TMEM132B: variants seen among roughly 807,000 people sequenced by gnomAD.
TMEM132B encodes transmembrane protein 132B.
Under a neutral mutation model 90.8 loss-of-function variants are expected in TMEM132B, and 18 were observed. The ratio of observed to expected loss-of-function variants is 0.20; its 90% confidence interval spans 0.14 to 0.29. TMEM132B has a LOEUF of 0.29. Ranked by LOEUF, TMEM132B falls within the 10% of genes least tolerant of loss-of-function variation. The pLI is 1.00. For synonymous variants in TMEM132B, 504 were observed against 523.3 expected, an observed-to-expected ratio of 0.96 and a Z score of 0.50; for missense variants, 1,096 against 1,326.8, an observed-to-expected ratio of 0.83 and a Z score of 2.70.
intron 5 of TMEM132B, among the ~76,000 whole-genome samples, chr12:125,620,479 C>A (rs765827867): frequency 3.9e-5 from 6 of 152,118 alleles, no homozygotes; most frequent in Non-Finnish European, 7.4e-5. Context: ...AGATCACCCA[C>A]AAAATATGCA....
At chr12:125,598,837 AG>A (rs1424443461) in intron 5 of TMEM132B, among the ~76,000 whole-genome samples, 1 of 151,570 alleles carries the variant, frequency 6.6e-6, no homozygotes, top group East Asian at 1.9e-4. Flanking sequence ...CCCCTAATAG[AG>A]GGGGTGTGCT....
In TMEM132B at chr12:125,291,976, ATAAT is replaced by A. The variant is rs1875553817; in HGVS notation, c.68-57472_68-57469del. On this transcript the variant is annotated intron_variant, in intron 1 of 8. Transcript: ENST00000682704. Reference sequence around the variant, plus strand: ...TGTGGTAATCCATAAATAGCAACAGATAATTAACACAATATCCAAAGCCATATTT... The same window carrying A: ...TGTGGTAATCCATAAATAGCAACAGATAACACAATATCCAAAGCCATATTT... Among the ~76,000 whole-genome samples, 4 of 152,364 alleles carry A rather than the reference ATAAT, an allele frequency of 2.6e-5. No homozygotes were observed. The South Asian group carries it at 8.3e-4, about 32-fold the overall frequency.
intron 1 of TMEM132B, among the ~76,000 whole-genome samples, chr12:125,281,424 A>G (rs946684532): frequency 1.3e-4 from 20 of 152,144 alleles, no homozygotes; most frequent in African/African-American, 4.3e-4. Flanking sequence ...AGGCCACAGG[A>G]TGTGGTGGAA....
intron 1 of TMEM132B, among the ~76,000 whole-genome samples, chr12:125,255,422 T>C (rs537732723): frequency 6.6e-6 from 1 of 152,296 alleles, no homozygotes; most frequent in East Asian, 1.9e-4. Flanking sequence ...CAATTATCAG[T>C]TCTGTCTTTG....
At chr12:125,210,327 A>G (rs912556323) in intron 1 of TMEM132B, among the ~76,000 whole-genome samples, 3 of 152,314 alleles carry the variant, frequency 2.0e-5, no homozygotes, top group East Asian at 3.9e-4. Context: ...AGAAGCCATC[A>G]GGTGTGTTAG....
Position 125,650,885 on chromosome 12 carries a change from C to T in TMEM132B, c.1846C>T (p.Pro616Ser). ...GACCGAGTTCATGAAGGTGGAGGAG[C>T]CGAAAATCGCTCAGTTACAGGACGG... Reference protein sequence around the residue: ...LVTEFMKVEEPKIAQLQDGRT... With the variant: ...LVTEFMKVEESKIAQLQDGRT... The change falls in exon 7 of 9, where the codon CCG (proline) becomes TCG (serine). Residue 616 changes from proline (P) to serine (S), a missense_variant. Physicochemically the swap from Pro to Ser is moderately conservative, Grantham distance 74. Transcript: ENST00000682704. 6.2e-7 allele frequency: 1 copy of T among 1,613,888 alleles called. No homozygotes were observed. Among genetic ancestry groups the T allele is most frequent in the Non-Finnish European group, 8.5e-7 (1 of 1,180,016 alleles).
chr12:125,405,563 G>A (rs1879447119), intron 2 of TMEM132B, among the ~76,000 whole-genome samples: 1 of 152,178 alleles, frequency 6.6e-6, no homozygotes, highest in African/African-American at 2.4e-5. Context: ...GGCAAAGCCA[G>A]GACCTGAACC....
chr12:125,497,027 G>C (rs529009922), intron 3 of TMEM132B, among the ~76,000 whole-genome samples: 1 of 152,256 alleles, frequency 6.6e-6, no homozygotes, highest in South Asian at 2.1e-4. Flanking sequence ...GATTAATTTA[G>C]AGTCTTACCG....
intron 1 of TMEM132B, among the ~76,000 whole-genome samples, chr12:125,287,763 C>A (rs114882988): frequency 0.013 from 1,806 of 141,448 alleles, 34 homozygotes; most frequent in African/African-American, 0.046. Flanking sequence ...ACCTTCCCTT[C>A]TAAAAAATAC....
chr12:125,571,745 G>T (rs1277258357), intron 4 of TMEM132B, among the ~76,000 whole-genome samples: 2 of 152,130 alleles, frequency 1.3e-5, no homozygotes, highest in African/African-American at 4.8e-5. Context: ...AACTGCTTGA[G>T]AGTAAGTTAC....
intron 1 of TMEM132B, among the ~76,000 whole-genome samples, chr12:125,232,851 G>T (rs1873857015): frequency 6.6e-6 from 1 of 152,226 alleles, no homozygotes; most frequent in African/African-American, 2.4e-5. Context: ...TAGCTAATAA[G>T]AAGATCTTTC....
Position 125,652,649 on chromosome 12 carries a change from C to T in TMEM132B, c.2106+17C>T. On this transcript the variant is annotated intron_variant, in intron 8 of 8. Coordinates refer to ENST00000682704, the MANE Select transcript of TMEM132B (RefSeq NM_001366854.1). ...CCACAGCAGGTGAGCGTTCCAGGGG[C>T]CCTGCGTCCTTGGTCAGTGGGGATG... 1 of 1,600,074 alleles carries T rather than the reference C, an allele frequency of 6.2e-7. No homozygotes were observed. Among genetic ancestry groups the T allele is most frequent in the South Asian group, 1.1e-5 (1 of 88,512 alleles).
At chr12:125,215,674 T>C (rs1400111740) in intron 1 of TMEM132B, among the ~76,000 whole-genome samples, 1 of 152,190 alleles carries the variant, frequency 6.6e-6, no homozygotes, top group Admixed American at 6.5e-5. Flanking sequence ...CCCGAGTAGC[T>C]GGGATTACAG....
chr12:125,337,298 C>T (rs1876997579), intron 1 of TMEM132B, among the ~76,000 whole-genome samples: 2 of 151,952 alleles, frequency 1.3e-5, no homozygotes, highest in South Asian at 2.1e-4. Flanking sequence ...AACTCCTAGG[C>T]GTGGCTTAAC....
chr12:125,515,034 G>A (rs1312055480), intron 3 of TMEM132B, among the ~76,000 whole-genome samples: 4 of 152,162 alleles, frequency 2.6e-5, no homozygotes, highest in Non-Finnish European at 5.9e-5. Context: ...GCTTCTGGGA[G>A]GCAAGTCCTT....
intron 3 of TMEM132B, among the ~76,000 whole-genome samples, chr12:125,505,756 A>G (rs1225627805): frequency 1.3e-5 from 2 of 152,174 alleles, no homozygotes; most frequent in Non-Finnish European, 2.9e-5. Context: ...ATGATGGAAG[A>G]AAGAGTCAGT....
At chr12:125,648,148 GCGGTGTT>G (rs1188349465) in intron 6 of TMEM132B, among the ~76,000 whole-genome samples, 6 of 147,122 alleles carry the variant, frequency 4.1e-5, no homozygotes, top group Non-Finnish European at 8.9e-5. Context: ...GTGAGAATAT[GCGGTGTT>G]CGGTTTTTTA....
At chr12:125,604,001 A>T (rs372762912) in intron 5 of TMEM132B, among the ~76,000 whole-genome samples, 1 of 152,202 alleles carries the variant, frequency 6.6e-6, no homozygotes, top group Admixed American at 6.5e-5. Context: ...GTTGGTGGGA[A>T]TGTAAATTAG....
chr12:125,206,094 C>T (rs2136061688), intron 1 of TMEM132B, among the ~76,000 whole-genome samples: 1 of 152,286 alleles, frequency 6.6e-6, no homozygotes, highest in South Asian at 2.1e-4. Flanking sequence ...GACCCCACAG[C>T]TAGGAGACAG....
Sources: gnomAD v4.1 joint callset for allele counts (sites outside exome capture counted in the v4.1 genomes callset) on GRCh38, gnomAD v4.1.1 for gene constraint, MANE v1.5 for transcripts, NCBI Gene and HGNC (gene_info 2026-07-23, HGNC 2026-07-21) for gene names.